The following NUP35 variants were observed in gnomAD, a reference collection of about 807,000 sequenced individuals.
NUP35 encodes the protein nucleoporin 35, also known as nucleoporin NUP35.
NUP35 carries 25 observed loss-of-function variants against 41.5 expected under a neutral mutation model. The ratio of observed to expected loss-of-function variants is 0.60; its 90% confidence interval spans 0.44 to 0.84. The LOEUF is 0.84. Among genes scored for constraint, NUP35 ranks in the 40% least tolerant of loss-of-function variants. NUP35 has a pLI of 0.00. For missense variants in NUP35, 396 were observed against 396.6 expected (o/e 1.00, Z 0.01); for synonymous variants, 149 against 130.7 (o/e 1.14, Z -0.96).
At chr2:183,136,753 T>C (rs1189867082) in intron 4 of NUP35, among the ~76,000 whole-genome samples, 3 of 152,190 alleles carry the variant, frequency 2.0e-5, no homozygotes, top group Non-Finnish European at 2.9e-5. Context: ...CTGGATTGGT[T>C]GATTGGATTA....
intron 2 of NUP35, among the ~76,000 whole-genome samples, chr2:183,129,835 A>G (rs949302020): frequency 6.6e-6 from 1 of 152,200 alleles, no homozygotes; most frequent in Non-Finnish European, 1.5e-5. Flanking sequence ...CTGCATCACT[A>G]TTTGACATTG....
At chr2:183,159,839 C>T (rs1410366616) in intron 8 of NUP35, 187 bp downstream of exon 8, 1 of 474,252 alleles carries the variant, frequency 2.1e-6, no homozygotes, top group Non-Finnish European at 3.6e-6. Context: ...GGAAAGTTAT[C>T]ATGAATTAAA....
At chr2:183,146,864 T>A (rs1685298950) in intron 4 of NUP35, among the ~76,000 whole-genome samples, 1 of 152,194 alleles carries the variant, frequency 6.6e-6, no homozygotes, top group African/African-American at 2.4e-5. Context: ...CCCAAAGTGC[T>A]AGGATTCAGA....
chr2:183,141,087 C>T (rs938057167), intron 4 of NUP35, among the ~76,000 whole-genome samples: 1 of 151,882 alleles, frequency 6.6e-6, no homozygotes, highest in African/African-American at 2.4e-5. Context: ...ATAGGATTAC[C>T]TCTGGAGATT....
intron 7 of NUP35, 82 bp downstream of exon 7, chr2:183,158,493 A>C: frequency 8.2e-7 from 1 of 1,218,544 alleles, no homozygotes; most frequent in South Asian, 1.9e-5. Flanking sequence ...TCGTTGTGTC[A>C]CTTGGTTTCA....
In NUP35 at chr2:183,147,440, G is replaced by A. The variant is rs139411317; in HGVS notation, c.398-4068G>A. 1.9e-3 allele frequency among the ~76,000 whole-genome samples: 285 copies of A among 152,158 alleles called. 2 individuals carry two copies. Among genetic ancestry groups the A allele is most frequent in the Middle Eastern group, 6.8e-3 (2 of 294 alleles). ...TTCCTTGCACCATCTATTGAGTAAG[G>A]CATCCTTTATCCATTTTTTATTTTT... is the stretch of plus-strand genomic sequence containing the variant. On this transcript the variant is annotated intron_variant, in intron 4 of 8. Coordinates refer to ENST00000295119, the MANE Select transcript of NUP35 (RefSeq NM_138285.5).
intron 4 of NUP35, among the ~76,000 whole-genome samples, chr2:183,150,765 G>T (rs1250411407): frequency 1.3e-5 from 2 of 152,072 alleles, no homozygotes; most frequent in African/African-American, 4.8e-5. Flanking sequence ...GTTGATGCTT[G>T]GTGCATATTT....
intron 4 of NUP35, among the ~76,000 whole-genome samples, chr2:183,143,868 G>T (rs1685186691): frequency 6.6e-6 from 1 of 152,110 alleles, no homozygotes. Context: ...ATTGGACATT[G>T]TACCATTCAA....
In NUP35 at chr2:183,159,616, T is replaced by TG. The variant is rs778536872; in HGVS notation, c.868dup (p.Ala290GlyfsTer9). On this transcript the variant is annotated frameshift_variant, in exon 8 of 9. Coordinates refer to ENST00000295119, the MANE Select transcript of NUP35 (RefSeq NM_138285.5). LOFTEE classifies it high-confidence loss of function. Reference sequence around the variant, plus strand: ...CTAGGATTTCTACCATGAGACCTCTTGCTACAGCATACAAAGCCTCTACTA... The same window carrying TG: ...CTAGGATTTCTACCATGAGACCTCTTGGCTACAGCATACAAAGCCTCTACTA... The TG allele has an allele frequency of 6.2e-7, 1 of 1,613,286 alleles. No homozygotes were observed. Among genetic ancestry groups the TG allele is most frequent in the Non-Finnish European group, 8.5e-7 (1 of 1,179,642 alleles).
upstream of NUP35, chr2:183,120,108 G>A (rs1202334593): frequency 2.6e-5 from 4 of 152,246 alleles, no homozygotes. Flanking sequence ...TAGAAAATAG[G>A]AACTCAGTGA....
At chr2:183,133,488 C>A in intron 3 of NUP35, 78 bp from the exon 4 acceptor site, 1 of 1,098,716 alleles carries the variant, frequency 9.1e-7, no homozygotes, top group Non-Finnish European at 1.3e-6. Flanking sequence ...ATTCAGTTAT[C>A]CATTGAATGA....
chr2:183,140,839 A>AT (rs1685068001), intron 4 of NUP35, among the ~76,000 whole-genome samples: 1 of 151,052 alleles, frequency 6.6e-6, no homozygotes, highest in East Asian at 1.9e-4. Flanking sequence ...AAAAAAAAAA[A>AT]GGAAAATTAA....
At chr2:183,126,346 T>G (rs1559140983) in intron 1 of NUP35, among the ~76,000 whole-genome samples, 1 of 152,244 alleles carries the variant, frequency 6.6e-6, no homozygotes, top group Admixed American at 6.5e-5. Flanking sequence ...TCCAGATACA[T>G]CAGAACTTTT....
chr2:183,153,690 C>T (rs913348787), intron 5 of NUP35, among the ~76,000 whole-genome samples: 8 of 152,120 alleles, frequency 5.3e-5, no homozygotes, highest in Admixed American at 3.9e-4. Context: ...GCTGTTTTCC[C>T]GTGCTGGCAT....
chr2:183,140,608 G>T (rs917310375), intron 4 of NUP35, among the ~76,000 whole-genome samples: 3 of 151,984 alleles, frequency 2.0e-5, no homozygotes, highest in African/African-American at 7.3e-5. Flanking sequence ...GATCACCTGA[G>T]GTCAGGAGTT....
At chr2:183,146,789 G>T (rs775596130) in intron 4 of NUP35, among the ~76,000 whole-genome samples, 1 of 152,080 alleles carries the variant, frequency 6.6e-6, no homozygotes, top group Non-Finnish European at 1.5e-5. Flanking sequence ...TAGAGATGGG[G>T]TTTCGCCATG....
At chr2:183,131,564 G>A (rs958633205) in intron 3 of NUP35, among the ~76,000 whole-genome samples, 4 of 152,130 alleles carry the variant, frequency 2.6e-5, no homozygotes, top group Non-Finnish European at 5.9e-5. Flanking sequence ...ACAGATTACT[G>A]TTTCTTCCCA....
At chr2:183,124,224 G>T (rs1261033011), upstream of NUP35, 5 of 997,090 alleles carry the variant, frequency 5.0e-6, no homozygotes, top group Non-Finnish European at 6.9e-6. Flanking sequence ...AGCATTCACA[G>T]AACCATACGC....
intron 1 of NUP35, among the ~76,000 whole-genome samples, chr2:183,127,705 C>A (rs999017429): frequency 2.6e-5 from 4 of 152,014 alleles, no homozygotes; most frequent in African/African-American, 9.7e-5. Context: ...CAAACTGATT[C>A]GGAAATGGAA....
Sources: gnomAD v4.1 joint callset for allele counts (sites outside exome capture counted in the v4.1 genomes callset) on GRCh38, gnomAD v4.1.1 for gene constraint, MANE v1.5 for transcripts, NCBI Gene and HGNC (gene_info 2026-07-23, HGNC 2026-07-21) for gene names.